CERS3: variants seen among roughly 807,000 people sequenced by gnomAD.
The protein encoded by CERS3 is ceramide synthase 3.
In CERS3, 33 loss-of-function variants were observed where a neutral mutation model predicts 50.3. The observed-to-expected ratio is 0.66, with a 90% CI of 0.50 to 0.88. The LOEUF is 0.88. CERS3 is among the 40% of genes least tolerant of loss of function. The pLI is 0.00. For missense variants in CERS3, 470 were observed against 460.3 expected, an observed-to-expected ratio of 1.02 and a Z score of -0.19; for synonymous variants, 176 against 155.2, an observed-to-expected ratio of 1.13 and a Z score of -0.99.
intron 11 of CERS3, among the ~76,000 whole-genome samples, chr15:100,425,385 C>A (rs1162136231): frequency 6.6e-6 from 1 of 152,236 alleles, no homozygotes; most frequent in Non-Finnish European, 1.5e-5. Context: ...GCCAGAGCTG[C>A]CCAGGGCCTT....
At chr15:100,513,470 T>A (rs923668191) in intron 2 of CERS3, among the ~76,000 whole-genome samples, 4 of 152,174 alleles carry the variant, frequency 2.6e-5, no homozygotes, top group Non-Finnish European at 4.4e-5. Context: ...CCTCAGTCTG[T>A]GATACTGCAA....
At position 100,455,259 on chromosome 15, in the gene CERS3, A is replaced by G. The variant is rs532762697; in HGVS notation, c.999+634T>C. On this transcript the variant is annotated intron_variant, in intron 11 of 11. Transcript: ENST00000679737. ...CTGCATATTTATCCCAAGGAAAAAA[A>G]AAAACAATATACCAAAGAGTAGAAT... 2.0e-5 allele frequency among the ~76,000 whole-genome samples: 3 copies of G among 152,286 alleles called. No individual in the cohort carries two copies. The South Asian group carries it at 6.2e-4, about 32-fold the overall frequency.
chr15:100,436,586 T>C (rs190313521), intron 11 of CERS3, among the ~76,000 whole-genome samples: 1 of 152,104 alleles, frequency 6.6e-6, no homozygotes, highest in Non-Finnish European at 1.5e-5. Context: ...CATGTATACA[T>C]ATATAACAAA....
intron 2 of CERS3, 48 bp from the exon 3 acceptor site, chr15:100,501,898 T>A (rs1213895848): frequency 6.3e-7 from 1 of 1,585,622 alleles, no homozygotes; most frequent in African/African-American, 1.4e-5. Flanking sequence ...AACACGTAAC[T>A]TTAGGATAAC....
At chr15:100,416,160 G>A (rs1200915458) in intron 11 of CERS3, among the ~76,000 whole-genome samples, 1 of 151,908 alleles carries the variant, frequency 6.6e-6, no homozygotes, top group Admixed American at 6.6e-5. Context: ...AACCAAAAAA[G>A]AGCCCCCAAA....
chr15:100,525,052 T>C (rs1308666925), intron 1 of CERS3, among the ~76,000 whole-genome samples: 3 of 152,238 alleles, frequency 2.0e-5, no homozygotes, highest in Non-Finnish European at 4.4e-5. Context: ...ATATATGCCT[T>C]ACCTGTGAAT....
At chr15:100,414,167 C>T (rs2031712886) in intron 11 of CERS3, among the ~76,000 whole-genome samples, 1 of 152,144 alleles carries the variant, frequency 6.6e-6, no homozygotes, top group Non-Finnish European at 1.5e-5. Flanking sequence ...CATGAATGAA[C>T]TGTCATTCAC....
intron 8 of CERS3, among the ~76,000 whole-genome samples, 199 bp from the exon 9 acceptor site, chr15:100,473,251 G>T (rs754711117): frequency 1.3e-5 from 2 of 152,114 alleles, no homozygotes; most frequent in Non-Finnish European, 2.9e-5. Flanking sequence ...ATCATTTAAC[G>T]TTGAGATACC....
chr15:100,407,105 C>G (rs1031423935), intron 11 of CERS3, among the ~76,000 whole-genome samples: 1 of 152,168 alleles, frequency 6.6e-6, no homozygotes, highest in African/African-American at 2.4e-5. Context: ...AGTTACAATT[C>G]AAGATGAGTT....
intron 11 of CERS3, among the ~76,000 whole-genome samples, chr15:100,429,239 T>A (rs749959376): frequency 4.6e-5 from 7 of 152,198 alleles, no homozygotes; most frequent in Non-Finnish European, 1.0e-4. Flanking sequence ...CTGGTTTCTA[T>A]AGCAGTGCTC....
intron 1 of CERS3, among the ~76,000 whole-genome samples, chr15:100,522,268 GT>G (rs2036661261): frequency 6.6e-6 from 1 of 152,194 alleles, no homozygotes; most frequent in Non-Finnish European, 1.5e-5. Context: ...TAGTGCACTG[GT>G]TCCCAACCCT....
chr15:100,465,906 G>C (rs538769247), intron 10 of CERS3, among the ~76,000 whole-genome samples: 1 of 152,262 alleles, frequency 6.6e-6, no homozygotes, highest in Admixed American at 6.5e-5. Flanking sequence ...TGATCCTCCT[G>C]CCTTGGCCTC....
intron 10 of CERS3, among the ~76,000 whole-genome samples, chr15:100,456,899 A>G (rs542043042): frequency 1.1e-3 from 157 of 148,824 alleles, no homozygotes; most frequent in African/African-American, 3.8e-3. Flanking sequence ...GTGAGCCGAG[A>G]TTGTGCCACT....
chr15:100,531,725 T>A (rs927797986), upstream of CERS3, among the ~76,000 whole-genome samples: 1 of 152,236 alleles, frequency 6.6e-6, no homozygotes. Flanking sequence ...TCATTTCTCC[T>A]AGGTAGTACT....
chr15:100,411,298 G>A (rs758419980), intron 11 of CERS3, among the ~76,000 whole-genome samples: 11 of 152,060 alleles, frequency 7.2e-5, no homozygotes, highest in South Asian at 2.1e-4. Flanking sequence ...AGTAGCTGGC[G>A]TTACAGGTGC....
chr15:100,440,200 C>A (rs1313364803), intron 11 of CERS3, among the ~76,000 whole-genome samples: 1 of 152,160 alleles, frequency 6.6e-6, no homozygotes, highest in Non-Finnish European at 1.5e-5. Context: ...TGATCCAGTT[C>A]TTATTTAACT....
Position 100,416,050 on chromosome 15 carries a change from T to C in CERS3, c.1000-13185A>G, listed in dbSNP as rs559383973. On this transcript the variant is annotated intron_variant, in intron 11 of 11. Transcript: ENST00000679737. ...ATAGGAAAAGTCAATATTGTTAAAA[T>C]GGCCATACTACCCAAAGCAACTTAT... Among the ~76,000 whole-genome samples the C allele has an allele frequency of 2.2e-4, 34 of 152,332 alleles. No individual in the cohort carries two copies. The South Asian group carries it at 6.0e-3, about 27-fold the overall frequency.
intron 11 of CERS3, among the ~76,000 whole-genome samples, chr15:100,445,401 T>G (rs1042121467): frequency 6.6e-6 from 1 of 152,162 alleles, no homozygotes. Flanking sequence ...TTAAAGTAAA[T>G]AAATAATTTT....
At chr15:100,534,554 C>T (rs943545287) in intron 1 of CERS3, among the ~76,000 whole-genome samples, 1 of 150,048 alleles carries the variant, frequency 6.7e-6, no homozygotes, top group Non-Finnish European at 1.5e-5. Context: ...AACTGGAAAT[C>T]GCTTAGGGCA....
Sources: allele counts gnomAD v4.1 joint callset (sites outside exome capture counted in the v4.1 genomes callset), GRCh38; gene constraint gnomAD v4.1.1; transcripts MANE v1.5; gene names NCBI Gene and HGNC (gene_info 2026-07-23, HGNC 2026-07-21).